The following LUZP1 variants were observed in gnomAD, a reference collection of about 807,000 sequenced individuals.
LUZP1 encodes the protein filamin mechanobinding actin cross-linking protein.
In LUZP1, 25 loss-of-function variants were observed where a neutral mutation model predicts 71.3. The ratio of observed to expected loss-of-function variants is 0.35; its 90% CI spans 0.26 to 0.49. LUZP1 has a LOEUF of 0.49. LUZP1 is among the 20% of genes least tolerant of loss of function. The pLI, the probability that LUZP1 is intolerant of heterozygous loss-of-function variation, is 0.99. For synonymous variants in LUZP1, 481 were observed against 506.4 expected (o/e 0.95, Z 0.67); for missense variants, 1,142 against 1,300.8 (o/e 0.88, Z 1.88).
chr1:23,084,411 T>TAGTCA (rs1053775522), exon 5 of LUZP1: 4 of 152,050 alleles, frequency 2.6e-5, no homozygotes, highest in Admixed American at 1.3e-4. Context: ...CCTTCTCCTG[T>TAGTCA]AGTCAAATCT....
chr1:23,097,793 G>GACTGTGCC (rs1643900901), intron 3 of LUZP1, among the ~76,000 whole-genome samples: 1 of 152,200 alleles, frequency 6.6e-6, no homozygotes, highest in African/African-American at 2.4e-5. Context: ...AGTGAGCTAT[G>GACTGTGCC]ACTGTGCCAC....
At chr1:23,171,070 C>G (rs1644549645) in intron 1 of LUZP1, among the ~76,000 whole-genome samples, 1 of 147,636 alleles carries the variant, frequency 6.8e-6, no homozygotes, top group Non-Finnish European at 1.5e-5. Context: ...AGCCTGGTGA[C>G]AGATCGAGAC....
chr1:23,165,553 GTGGTCC>G (rs1344240140), intron 2 of LUZP1, among the ~76,000 whole-genome samples: 3 of 151,910 alleles, frequency 2.0e-5, no homozygotes, highest in Non-Finnish European at 4.4e-5. Context: ...GCACACACCT[GTGGTCC>G]CAGCTTCTCA....
intron 2 of LUZP1, among the ~76,000 whole-genome samples, chr1:23,147,150 C>T (rs1644349644): frequency 1.4e-5 from 2 of 143,772 alleles, no homozygotes; most frequent in South Asian, 4.5e-4. Flanking sequence ...TTAAGAAATG[C>T]TTAATGCTGG....
At chr1:23,163,415 G>A (rs191137759) in intron 2 of LUZP1, among the ~76,000 whole-genome samples, 21 of 151,772 alleles carry the variant, frequency 1.4e-4, no homozygotes, top group Non-Finnish European at 2.2e-4. Flanking sequence ...TAATTAGCTG[G>A]GCATGGTGGT....
rs1275638839 is a variant in LUZP1, at chr1:23,094,884, T to G, written c.-119-504A>C. 6.6e-6 allele frequency among the ~76,000 whole-genome samples: 1 copy of G among 152,144 alleles called. No individual in the cohort carries two copies. Among genetic ancestry groups the G allele is most frequent in the Admixed American group, 6.5e-5 (1 of 15,278 alleles). On this transcript the variant is annotated intron_variant, in intron 3 of 4. Transcript: ENST00000302291. The surrounding 1 kb of genome is among the most constrained non-coding windows in gnomAD (Gnocchi z 4.7). The stretch of plus-strand genomic sequence containing the variant: ...CTTATGAGCTATTGTGACTTAAAAG[T>G]GATACAAATTAACCCTCTGCCTTGC...
At position 23,093,516 on chromosome 1, in the gene LUZP1, G is replaced by A. The variant is rs755871670; in HGVS notation, c.746C>T (p.Thr249Ile). ...CCTTCTTGATTCTTTGGACGGCAGTGTGGAAGAGATGCCATCCTCAATCCG... is the reference window on the plus strand; with the variant it reads ...CCTTCTTGATTCTTTGGACGGCAGTATGGAAGAGATGCCATCCTCAATCCG... Residue 249 changes from threonine (T) to isoleucine (I), a missense_variant, in exon 4 of 5, where the codon ACA (threonine) becomes ATA (isoleucine). Transcript: ENST00000302291. The surrounding 1 kb of genome is among the most constrained non-coding windows in gnomAD (Gnocchi z 4.2). 1.3e-5 allele frequency: 21 copies of A among 1,613,644 alleles called. No homozygotes were observed. The highest frequency in any genetic ancestry group is 1.6e-5 in the Non-Finnish European group (19 of 1,179,930).
chr1:23,172,356 G>C (rs1314299358), intron 1 of LUZP1, among the ~76,000 whole-genome samples: 1 of 152,098 alleles, frequency 6.6e-6, no homozygotes, highest in Non-Finnish European at 1.5e-5. Flanking sequence ...GAAAAATATG[G>C]AGACTATAAA....
chr1:23,157,536 A>T (rs1644429492), intron 2 of LUZP1, among the ~76,000 whole-genome samples: 1 of 152,024 alleles, frequency 6.6e-6, no homozygotes, highest in Non-Finnish European at 1.5e-5. Flanking sequence ...CATGCCTATA[A>T]TACCAGCACT....
chr1:23,088,807 G>T, exon 5 of LUZP1: 2 of 1,513,906 alleles, frequency 1.3e-6, no homozygotes, highest in Admixed American at 1.9e-5. Flanking sequence ...GTCTTGCCTG[G>T]TTAACTGGCC....
chr1:23,162,269 A>C (rs1234970304), intron 2 of LUZP1, among the ~76,000 whole-genome samples: 6 of 152,024 alleles, frequency 3.9e-5, no homozygotes, highest in Admixed American at 3.9e-4. Context: ...AGGGAACTGG[A>C]TAGGGGCTTC....
At chr1:23,162,012 C>T (rs1016797469) in intron 2 of LUZP1, among the ~76,000 whole-genome samples, 4 of 103,242 alleles carry the variant, frequency 3.9e-5, no homozygotes, top group Admixed American at 1.6e-4. Context: ...GGCGACAGAA[C>T]GAGACTGTCT....
intron 2 of LUZP1, among the ~76,000 whole-genome samples, chr1:23,158,801 T>C (rs1280598889): frequency 6.7e-6 from 1 of 150,354 alleles, no homozygotes; most frequent in Non-Finnish European, 1.5e-5. Context: ...ACACCGTCTC[T>C]ACTAAAAATA....
At chr1:23,177,916 T>C (rs1644592960), upstream of LUZP1, 1 of 152,298 alleles carries the variant, frequency 6.6e-6, no homozygotes, top group African/African-American at 2.4e-5. Context: ...GCAGGCCTGG[T>C]TCCTGGCTTT....
chr1:23,157,195 G>A (rs1279256892), intron 2 of LUZP1, among the ~76,000 whole-genome samples: 10 of 152,256 alleles, frequency 6.6e-5, no homozygotes, highest in African/African-American at 2.4e-4. Flanking sequence ...TAGTAGATGT[G>A]GTAGTGCGTG....
At chr1:23,151,757 C>A (rs1365934998) in intron 2 of LUZP1, among the ~76,000 whole-genome samples, 2 of 152,048 alleles carry the variant, frequency 1.3e-5, no homozygotes, top group Non-Finnish European at 2.9e-5. Context: ...GTAATCCCTG[C>A]ACTTGGGAGG....
chr1:23,113,842 T>A (rs1346926261), intron 2 of LUZP1, among the ~76,000 whole-genome samples: 1 of 149,486 alleles, frequency 6.7e-6, no homozygotes, highest in Admixed American at 6.7e-5. Context: ...ATTCAGCTAC[T>A]GCACTCCAGC....
chr1:23,095,811 T>G (rs1396667852), intron 3 of LUZP1, among the ~76,000 whole-genome samples: 2 of 152,184 alleles, frequency 1.3e-5, no homozygotes, highest in Non-Finnish European at 2.9e-5. Flanking sequence ...TTATACCATC[T>G]GAGTGGTCTA....
At chr1:23,103,924 G>A (rs1334399441) in intron 3 of LUZP1, among the ~76,000 whole-genome samples, 1 of 80,424 alleles carries the variant, frequency 1.2e-5, no homozygotes. Context: ...GGAGGGAGGG[G>A]GGGAAGGAGG....
Sources: allele counts gnomAD v4.1 joint callset (sites outside exome capture counted in the v4.1 genomes callset), GRCh38; gene constraint gnomAD v4.1.1; non-coding constraint Gnocchi (gnomAD v3.1); transcripts MANE v1.5; gene names NCBI Gene and HGNC (gene_info 2026-07-23, HGNC 2026-07-21).